Variants in CUL5 observed in about 807,000 individuals in gnomAD.
CUL5 encodes cullin-5.
A neutral mutation model predicts 108.8 loss-of-function variants in CUL5; 26 were observed. That is an observed-to-expected ratio of 0.24 (90% CI 0.18 to 0.33). The LOEUF (loss-of-function observed/expected upper bound fraction) is 0.33. Among genes scored for constraint, CUL5 ranks in the 10% least tolerant of loss-of-function variants. The pLI is 1.00. For synonymous variants in CUL5, 334 were observed against 298.0 expected (o/e 1.12, Z -1.25); for missense variants, 524 against 909.2 (o/e 0.58, Z 5.45).
chr11:108,042,787 G>C (rs1862962583), intron 2 of CUL5, among the ~76,000 whole-genome samples: 1 of 151,698 alleles, frequency 6.6e-6, no homozygotes, highest in Non-Finnish European at 1.5e-5. Flanking sequence ...TTTTGAGACA[G>C]AGTCTTGCCC....
chr11:108,087,982 A>G (rs547437721), intron 11 of CUL5, among the ~76,000 whole-genome samples: 51 of 152,220 alleles, frequency 3.4e-4, no homozygotes, highest in Admixed American at 3.3e-3. Flanking sequence ...ACTAAAAAAA[A>G]ATTTGTATCA....
At chr11:108,020,347 G>T (rs966688929) in intron 1 of CUL5, among the ~76,000 whole-genome samples, 5 of 152,154 alleles carry the variant, frequency 3.3e-5, no homozygotes, top group African/African-American at 7.2e-5. Context: ...ACTTTCCAGT[G>T]GGACAAGATG....
chr11:108,098,524 AC>A lies in CUL5; in HGVS notation c.2146del (p.Gln716ArgfsTer7). 1 of 1,549,492 alleles carries A rather than the reference AC, an allele frequency of 6.5e-7. No homozygotes were observed. Among genetic ancestry groups the A allele is most frequent in the Non-Finnish European group, 8.7e-7 (1 of 1,151,266 alleles). On this transcript the variant is annotated frameshift_variant, in exon 18 of 19. Coordinates refer to ENST00000393094, the MANE Select transcript of CUL5 (RefSeq NM_003478.6). LOFTEE classifies it high-confidence loss of function. ...AATAGTTCAACTACGAATACTAAGA[AC>A]CCAGGTTTGTAATGTTGACAGAATG... The part of the protein sequence containing the change: ...EGIVQLRILR[T>X]QEAIIQIMKM...
intron 7 of CUL5, among the ~76,000 whole-genome samples, chr11:108,058,800 C>A (rs1313098252): frequency 1.3e-5 from 2 of 152,082 alleles, no homozygotes; most frequent in African/African-American, 4.8e-5. Context: ...GCCACTTAGA[C>A]CCTACTTAGA....
chr11:108,025,679 G>T (rs1862435022), intron 1 of CUL5, among the ~76,000 whole-genome samples: 1 of 152,028 alleles, frequency 6.6e-6, no homozygotes, highest in South Asian at 2.1e-4. Context: ...CCTTCCTAAT[G>T]GTTCTTTCCC....
Position 108,098,428 on chromosome 11 carries a change from A to G in CUL5, c.2047A>G (p.Arg683Gly). 6.2e-7 allele frequency: 1 copy of G among 1,605,210 alleles called. No homozygotes were observed. Among genetic ancestry groups the G allele is most frequent in the Non-Finnish European group, 8.5e-7 (1 of 1,176,620 alleles). Residue 683 changes from arginine to glycine, a missense_variant, in exon 18 of 19, where the codon AGG becomes GGG. Coordinates refer to ENST00000393094, the MANE Select transcript of CUL5 (RefSeq NM_003478.6). ...TAGAAAAAATGCAAAGGTTCAGAAAAGGGGTAAAATCAACTTGATTGGACG... is the reference window on the plus strand; with the variant it reads ...TAGAAAAAATGCAAAGGTTCAGAAAGGGGGTAAAATCAACTTGATTGGACG... ...SLIKNAKVQK[R>G]GKINLIGRLQ...
chr11:108,054,254 G>C (rs754509625), intron 5 of CUL5, among the ~76,000 whole-genome samples: 1 of 152,272 alleles, frequency 6.6e-6, no homozygotes, highest in Non-Finnish European at 1.5e-5. Flanking sequence ...AATCCACTTA[G>C]ACAACCTAGT....
At chr11:108,048,779 G>T (rs910290581) in intron 3 of CUL5, among the ~76,000 whole-genome samples, 1 of 150,100 alleles carries the variant, frequency 6.7e-6, no homozygotes, top group African/African-American at 2.5e-5. Flanking sequence ...CGATTCTCCT[G>T]CCTCAGCCTC....
intron 11 of CUL5, among the ~76,000 whole-genome samples, chr11:108,078,443 T>TAA (rs375302722): frequency 1.3e-5 from 2 of 149,280 alleles, no homozygotes; most frequent in African/African-American, 4.9e-5. Context: ...TTTTTTCAGG[T>TAA]AAAAAAAAAA....
chr11:108,011,775 A>C (rs1003255402), intron 1 of CUL5, among the ~76,000 whole-genome samples: 1 of 152,022 alleles, frequency 6.6e-6, no homozygotes, highest in Non-Finnish European at 1.5e-5. Context: ...CTACAGGCGC[A>C]CGCCACCACG....
rs926037125 is a variant in CUL5 at position 108,104,665 on chromosome 11, C to A, written c.*281C>A. 6 of 223,650 alleles carry A rather than the reference C, an allele frequency of 2.7e-5. 1 individual carries two copies. The highest frequency in any genetic ancestry group is 3.0e-3 in the Middle Eastern group (2 of 656). The allele number at this position is 223,650 out of a possible 1,614,324, so 13.9% of individuals were successfully genotyped here. ...TTTTAAAAGTGAATTTGATTTGTACCCACCAGGAGAAATACAGTTGGGAAG... is the reference window on the plus strand; with the variant it reads ...TTTTAAAAGTGAATTTGATTTGTACACACCAGGAGAAATACAGTTGGGAAG... On this transcript the variant is annotated 3_prime_UTR_variant, in exon 19 of 19. Coordinates refer to ENST00000393094, the MANE Select transcript of CUL5 (RefSeq NM_003478.6).
chr11:108,018,707 A>C (rs1301481134), intron 1 of CUL5, among the ~76,000 whole-genome samples: 1 of 152,092 alleles, frequency 6.6e-6, no homozygotes, highest in Non-Finnish European at 1.5e-5. Flanking sequence ...CATCACATAT[A>C]TGCACTTAAT....
chr11:108,028,325 A>T (rs1040953356), intron 1 of CUL5, among the ~76,000 whole-genome samples: 1 of 151,952 alleles, frequency 6.6e-6, no homozygotes, highest in Non-Finnish European at 1.5e-5. Context: ...CTTTACTCCC[A>T]TTTTCTCATA....
rs146843253 is a variant in CUL5, at chr11:108,094,912, G to A, written c.1668G>A (p.Pro556=). 3.7e-5 allele frequency: 59 copies of A among 1,612,790 alleles called. No individual in the cohort carries two copies. In the African/African-American group the frequency reaches 5.6e-4, roughly 15 times the overall value. ...SLPTELEDLI[P]EVEEFYKKNH... Reference sequence around the variant, plus strand: ...CTACTGAACTGGAGGACTTGATACCGGAAGTAGAAGAATTCTACAAAAAAA... The same window carrying A: ...CTACTGAACTGGAGGACTTGATACCAGAAGTAGAAGAATTCTACAAAAAAA... Residue 556 remains proline (P), a synonymous_variant, in exon 15 of 19, where the codon CCG becomes CCA. Coordinates refer to ENST00000393094, the MANE Select transcript of CUL5 (RefSeq NM_003478.6).
In CUL5 at chr11:108,107,349, A is replaced by C. The variant is rs1285898034; in HGVS notation, c.*2965A>C. 6.6e-6 allele frequency: 1 copy of C among 152,632 alleles called. No individual in the cohort carries two copies. Among genetic ancestry groups the C allele is most frequent in the Non-Finnish European group, 1.5e-5 (1 of 68,032 alleles). The allele number at this position is 152,632 out of a possible 1,614,324, so 9.5% of individuals were successfully genotyped here. ...GCACTGCTCAAAGGGCAAATTTTAA[A>C]ACTTCAGTCTGGGTGAAAGATTTGC... On this transcript the variant is annotated 3_prime_UTR_variant, in exon 19 of 19. Transcript: ENST00000393094.
In CUL5 at chr11:108,017,733, T is replaced by G. The variant is rs544424613; in HGVS notation, c.24+8361T>G. On this transcript the variant is annotated intron_variant, in intron 1 of 18. Coordinates refer to ENST00000393094, the MANE Select transcript of CUL5 (RefSeq NM_003478.6). ...GGCATGTTAGTGCATGCCTGTAATC[T>G]CAGCTACATGGGAGGCTGAGGCAGG... 5.3e-5 allele frequency among the ~76,000 whole-genome samples: 8 copies of G among 152,112 alleles called. No homozygotes were observed. In the South Asian group the frequency reaches 1.7e-3, roughly 32 times the overall value.
At chr11:108,020,179 C>G (rs1423208199) in intron 1 of CUL5, among the ~76,000 whole-genome samples, 1 of 152,200 alleles carries the variant, frequency 6.6e-6, no homozygotes, top group Non-Finnish European at 1.5e-5. Flanking sequence ...AGTACATTTA[C>G]TGTTATATAC....
chr11:108,055,022 TAAAC>T, intron 7 of CUL5, 67 bp downstream of exon 7: 2 of 1,059,594 alleles, frequency 1.9e-6, no homozygotes, highest in East Asian at 2.5e-5. Context: ...GAATGGCAAA[TAAAC>T]AACATAAATA....
Position 108,103,035 on chromosome 11 carries a change from A to G in CUL5, c.2149-1155A>G, listed in dbSNP as rs140109459. 6.1e-4 allele frequency among the ~76,000 whole-genome samples: 93 copies of G among 152,268 alleles called. 2 individuals carry two copies. The East Asian group carries it at 0.016, about 26-fold the overall frequency. ...GTTCTCAAACTCCTGGACTCAAGCA[A>G]TCCACCCACATCACCCTCCCAAAGT... is the stretch of plus-strand genomic sequence containing the variant. On this transcript the variant is annotated intron_variant, in intron 18 of 18. Coordinates refer to ENST00000393094, the MANE Select transcript of CUL5 (RefSeq NM_003478.6).
Sources: gnomAD v4.1 joint callset for allele counts (sites outside exome capture counted in the v4.1 genomes callset) on GRCh38, gnomAD v4.1.1 for gene constraint, MANE v1.5 for transcripts, NCBI Gene and HGNC (gene_info 2026-07-23, HGNC 2026-07-21) for gene names.